Variants in EIF4E observed in about 807,000 individuals in gnomAD.
EIF4E encodes the protein eIF-4F 25 kDa subunit.
For missense variants in EIF4E, 113 were observed against 265.6 expected, an observed-to-expected ratio of 0.43 and a Z score of 3.99; for synonymous variants, 71 against 88.5, an observed-to-expected ratio of 0.80 and a Z score of 1.11.
intron 1 of EIF4E, among the ~76,000 whole-genome samples, chr4:98,915,610 G>A (rs1725344400): frequency 1.3e-5 from 2 of 150,210 alleles, no homozygotes; most frequent in South Asian, 4.2e-4. Context: ...GCGTGATCTT[G>A]GCTCACTGCA....
At chr4:98,899,133 A>C (rs1724541057) in intron 2 of EIF4E, among the ~76,000 whole-genome samples, 1 of 152,112 alleles carries the variant, frequency 6.6e-6, no homozygotes, top group African/African-American at 2.4e-5. Context: ...TTCTGACTTA[A>C]TACTCCTCCA....
intron 1 of EIF4E, chr4:98,909,809 C>T (rs1404006083): frequency 1.4e-6 from 1 of 701,300 alleles, no homozygotes; most frequent in Non-Finnish European, 2.6e-6. Context: ...AACTGCTTCA[C>T]CACAGGAGTC....
intron 1 of EIF4E, among the ~76,000 whole-genome samples, chr4:98,928,480 CG>C (rs1344705782): frequency 6.6e-6 from 1 of 152,092 alleles, no homozygotes; most frequent in East Asian, 1.9e-4. Context: ...AACAGACGCT[CG>C]CCCCTCTCAA....
intron 5 of EIF4E, among the ~76,000 whole-genome samples, chr4:98,885,915 G>A (rs1723897484): frequency 6.6e-6 from 1 of 152,012 alleles, no homozygotes; most frequent in Non-Finnish European, 1.5e-5. Flanking sequence ...GAAATGTCCT[G>A]ACTTTTTAAT....
chr4:98,894,079 T>A (rs908114771), intron 2 of EIF4E, among the ~76,000 whole-genome samples: 2 of 152,244 alleles, frequency 1.3e-5, no homozygotes, highest in Admixed American at 1.3e-4. Context: ...ACTTTTTTTC[T>A]GGGCAGTAGG....
intron 1 of EIF4E, among the ~76,000 whole-genome samples, chr4:98,921,119 T>C (rs1022892445): frequency 2.6e-5 from 4 of 152,220 alleles, no homozygotes; most frequent in African/African-American, 7.2e-5. Flanking sequence ...TAAGGAACTA[T>C]GTGACCGTGG....
chr4:98,911,653 C>T (rs1431572830), intron 1 of EIF4E, among the ~76,000 whole-genome samples: 1 of 91,918 alleles, frequency 1.1e-5, no homozygotes, highest in Admixed American at 1.5e-4. Context: ...AAGAGCGAAA[C>T]TCTGTCTCAA....
intron 1 of EIF4E, among the ~76,000 whole-genome samples, chr4:98,916,563 A>G (rs1405552070): frequency 6.6e-6 from 1 of 152,188 alleles, no homozygotes; most frequent in Non-Finnish European, 1.5e-5. Flanking sequence ...ACTAAGGTAT[A>G]TTATTGTGAA....
At chr4:98,882,537 T>C (rs1204941355) in intron 6 of EIF4E, among the ~76,000 whole-genome samples, 8 of 152,102 alleles carry the variant, frequency 5.3e-5, no homozygotes, top group African/African-American at 1.7e-4. Context: ...GATAGGTTTT[T>C]TTTATACCTT....
intron 1 of EIF4E, among the ~76,000 whole-genome samples, chr4:98,927,592 T>C (rs1579192542): frequency 7.8e-6 from 1 of 127,798 alleles, no homozygotes; most frequent in African/African-American, 3.1e-5. Flanking sequence ...GAGGCGGAGG[T>C]TGCAGTGAGC....
At chr4:98,927,663 A>G (rs1443830273) in intron 1 of EIF4E, among the ~76,000 whole-genome samples, 1 of 131,966 alleles carries the variant, frequency 7.6e-6, no homozygotes, top group African/African-American at 2.7e-5. Flanking sequence ...TCAAAAAAAA[A>G]AAAAAAAAAA....
At position 98,887,061 on chromosome 4, in the gene EIF4E, A is replaced by G. The variant is rs760856882; in HGVS notation, c.399+18T>C. 12 of 1,610,592 alleles carry G rather than the reference A, an allele frequency of 7.5e-6. No homozygotes were observed. In the African/African-American group the frequency reaches 9.4e-5, roughly 13 times the overall value. On this transcript the variant is annotated intron_variant, in intron 5 of 6. Coordinates refer to ENST00000450253, the MANE Select transcript of EIF4E (RefSeq NM_001968.5). This position sits in a 1 kb window ranked among gnomAD's most constrained non-coding sequence, Gnocchi z 4.0. ...CCAAAACTACCTCTAAAACTGCTTTATACTTTTAAAACCTTACTGTCTCTA... is the reference window on the plus strand; with the variant it reads ...CCAAAACTACCTCTAAAACTGCTTTGTACTTTTAAAACCTTACTGTCTCTA...
At position 98,929,098 on chromosome 4, in the gene EIF4E, T is replaced by G; in HGVS notation, c.15A>C (p.Glu5Asp). 1.3e-6 allele frequency: 2 copies of G among 1,581,476 alleles called. No homozygotes were observed. The highest frequency in any genetic ancestry group is 8.6e-7 in the Non-Finnish European group (1 of 1,163,542). MATV[E>D]PETTPTPNPP... is the part of the protein sequence containing the mutation. ...GGGGGCCAAAGGCAATACTCACCGG[T>G]TCGACAGTCGCCATCTTAGATCGAT... The change falls in exon 1 of 7, where the codon GAA becomes GAC. Residue 5 changes from glutamate (E) to aspartate (D), a missense_variant. By Grantham distance (45) the Glu-to-Asp change is conservative (BLOSUM62 2). Transcript: ENST00000450253.
chr4:98,885,079 A>C lies in EIF4E; in HGVS notation c.400-18T>G. 6.2e-7 allele frequency: 1 copy of C among 1,605,122 alleles called. No individual in the cohort carries two copies. The highest frequency in any genetic ancestry group is 8.5e-7 in the Non-Finnish European group (1 of 1,174,926). On this transcript the variant is annotated intron_variant, in intron 5 of 6. Coordinates refer to ENST00000450253, the MANE Select transcript of EIF4E (RefSeq NM_001968.5). ...CACAGAAGCTTAAAAAAAAATCCCA[A>C]ATTACATTTAATAGATTATAAACAA...
At chr4:98,895,444 C>T (rs982493759) in intron 2 of EIF4E, 7 of 152,184 alleles carry the variant, frequency 4.6e-5, no homozygotes, top group African/African-American at 1.7e-4. Flanking sequence ...CTCTGAATTA[C>T]AATACCAAAG....
chr4:98,897,331 G>A (rs1276047247), intron 2 of EIF4E, among the ~76,000 whole-genome samples: 1 of 152,076 alleles, frequency 6.6e-6, no homozygotes, highest in African/African-American at 2.4e-5. Context: ...AGCACTTTGG[G>A]AGGCTGAGGT....
chr4:98,891,894 T>C (rs150268018), intron 2 of EIF4E, among the ~76,000 whole-genome samples: 1 of 152,194 alleles, frequency 6.6e-6, no homozygotes, highest in Non-Finnish European at 1.5e-5. Context: ...TTAAAAGATA[T>C]GTATGTTATG....
intron 1 of EIF4E, among the ~76,000 whole-genome samples, chr4:98,928,491 A>C (rs1290821273): frequency 1.3e-5 from 2 of 150,662 alleles, no homozygotes; most frequent in Non-Finnish European, 3.0e-5. Context: ...GCCCCTCTCA[A>C]CTCCCCTAAG....
chr4:98,899,079 CACAG>C (rs997467849), intron 2 of EIF4E, among the ~76,000 whole-genome samples: 7 of 151,304 alleles, frequency 4.6e-5, no homozygotes, highest in Non-Finnish European at 1.0e-4. Flanking sequence ...CATACAATTC[CACAG>C]ACAATGTTAG....
Sources: gnomAD v4.1 joint callset for allele counts (sites outside exome capture counted in the v4.1 genomes callset) on GRCh38, gnomAD v4.1.1 for gene constraint, Gnocchi (gnomAD v3.1) non-coding constraint, MANE v1.5 for transcripts, NCBI Gene and HGNC (gene_info 2026-07-23, HGNC 2026-07-21) for gene names.